AVP: variants seen among roughly 807,000 people sequenced by gnomAD.
AVP encodes vasopressin-neurophysin 2-copeptin.
AVP carries 9 observed loss-of-function variants against 11.1 expected under a neutral mutation model. The ratio of observed to expected loss-of-function variants is 0.81; its 90% CI spans 0.49 to 1.42. AVP has a LOEUF of 1.42. AVP is among the 40% of genes most tolerant of loss of function. AVP has a pLI of 0.00. For synonymous variants in AVP, 106 were observed against 111.3 expected (o/e 0.95, Z 0.30); for missense variants, 206 against 238.5 (o/e 0.86, Z 0.90).
rs1242506500 is a variant in AVP at position 3,084,640 on chromosome 20, C to T, written c.35G>A (p.Gly12Asp). Residue 12 changes from glycine (G) to aspartate (D), a missense_variant, in exon 1 of 3, where the codon GGC becomes GAC. Physicochemically the swap from Gly to Asp is moderately conservative, Grantham distance 94 (BLOSUM62 -1). Coordinates refer to ENST00000380293, the MANE Select transcript of AVP (RefSeq NM_000490.5). ...GCACGCGGAGGAGAAGGCCAGTAGG[C>T]CGAGGAAGCAGGCGGGCAGCATGGT... Reference protein sequence around the residue: ...PDTMLPACFLGLLAFSSACYF... With the variant: ...PDTMLPACFLDLLAFSSACYF... 2 of 1,613,674 alleles carry T rather than the reference C, an allele frequency of 1.2e-6. No individual in the cohort carries two copies. The highest frequency in any genetic ancestry group is 1.7e-5 in the Admixed American group (1 of 60,022).
Position 3,082,879 on chromosome 20 carries a change from C to A in AVP, c.323-77G>T. 8.2e-7 allele frequency: 1 copy of A among 1,225,132 alleles called. No homozygotes were observed. Among genetic ancestry groups the A allele is most frequent in the Non-Finnish European group, 1.0e-6 (1 of 984,928 alleles). The allele number at this position is 1,225,132 out of a possible 1,614,324, so 75.9% of individuals were successfully genotyped here. On this transcript the variant is annotated intron_variant, in intron 2 of 2. Transcript: ENST00000380293. The surrounding 1 kb of genome is among the most constrained non-coding windows in gnomAD (Gnocchi z 4.7). ...GTGCGGGGGGCCCACACCCTCCCTG[C>A]CGGGCCCGACGCAGCCCCCACCCCG...
In AVP at chr20:3,082,580, G is replaced by T; in HGVS notation, c.*50C>A. 1 of 1,230,670 alleles carries T rather than the reference G, an allele frequency of 8.1e-7. No homozygotes were observed. The highest frequency in any genetic ancestry group is 1.0e-6 in the Non-Finnish European group (1 of 986,308). 76.2% of individuals were successfully genotyped at this position (1,230,670 alleles called of 1,614,324 possible). ...GTGCATTGGCGGAGGTTTATTGTCC[G>T]TGCTGCAGGGGCGGGCGCGAAGAGC... On this transcript the variant is annotated 3_prime_UTR_variant, in exon 3 of 3. Coordinates refer to ENST00000380293, the MANE Select transcript of AVP (RefSeq NM_000490.5). The surrounding 1 kb of genome is among the most constrained non-coding windows in gnomAD (Gnocchi z 4.7).
Position 3,082,973 on chromosome 20 carries a change from G to T in AVP, c.322+4C>A, listed in dbSNP as rs779482841. 192 of 1,000,838 alleles carry T rather than the reference G, an allele frequency of 1.9e-4. No homozygotes were observed. Among genetic ancestry groups the T allele is most frequent in the Non-Finnish European group, 2.3e-4 (171 of 755,792 alleles). The allele number at this position is 1,000,838 out of a possible 1,614,324, so 62.0% of individuals were successfully genotyped here. A position where few individuals can be genotyped will look rare whatever the true frequency, so the allele number is the denominator to read the frequency against. On this transcript the variant is annotated splice_donor_region_variant and intron_variant, in intron 2 of 2. Coordinates refer to ENST00000380293, the MANE Select transcript of AVP (RefSeq NM_000490.5). The surrounding 1 kb of genome is among the most constrained non-coding windows in gnomAD (Gnocchi z 4.7). The stretch of plus-strand genomic sequence containing the variant: ...CCAGCCCCAGGCCCGCCCCCGCCGC[G>T]CACCGTCGTTGCAGCAAACGCCGAA...
intron 1 of AVP, among the ~76,000 whole-genome samples, 184 bp downstream of exon 1, chr20:3,084,370 AG>A (rs748413084): frequency 3.9e-5 from 6 of 152,092 alleles, no homozygotes; most frequent in Non-Finnish European, 7.4e-5. Context: ...CCTCCTCCAA[AG>A]CCTGGTCCCC....
In AVP at chr20:3,082,743, C is replaced by A; in HGVS notation, c.382G>T (p.Asp128Tyr). 1.6e-6 allele frequency: 2 copies of A among 1,278,562 alleles called. No individual in the cohort carries two copies. Among genetic ancestry groups the A allele is most frequent in the South Asian group, 5.1e-5 (2 of 39,196 alleles). 79.2% of individuals were successfully genotyped at this position (1,278,562 alleles called of 1,614,324 possible). ...TCCAGCTGCGTGGCGTTGCTCCGGT[C>A]GCTGGCGCGGGCGCGGCGGTGAAAG... ...EGFHRRARASDRSNATQLDGP... is the reference protein window; with the variant it reads ...EGFHRRARASYRSNATQLDGP... The change falls in exon 3 of 3, where the codon GAC (aspartate) becomes TAC (tyrosine). Residue 128 changes from aspartate (D) to tyrosine (Y), a missense_variant. Asp to Tyr is a radical substitution (Grantham distance 160). This residue lies in a region of AVP where 106 missense variants were observed against 89.2 expected (regional missense o/e 1.19). Transcript: ENST00000380293. This position sits in a 1 kb window ranked among gnomAD's most constrained non-coding sequence, Gnocchi z 4.7.
rs2066123551 is a variant in AVP at position 3,083,708 on chromosome 20, C to CGTCA, written c.121-531_121-530insTGAC. ...CCAAGCTTGTCGGCCTCAGCTGGAG[C>CGTCA]CCTGACCCCTGCTCAGCCACCTATG... On this transcript the variant is annotated intron_variant, in intron 1 of 2. Coordinates refer to ENST00000380293, the MANE Select transcript of AVP (RefSeq NM_000490.5). This position sits in a 1 kb window ranked among gnomAD's most constrained non-coding sequence, Gnocchi z 5.4. 6.6e-6 allele frequency among the ~76,000 whole-genome samples: 1 copy of CGTCA among 152,198 alleles called. No individual in the cohort carries two copies. The highest frequency in any genetic ancestry group is 2.1e-4 in the South Asian group (1 of 4,828).
chr20:3,084,678 G>T lies in AVP; in HGVS notation c.-4C>A, dbSNP rs200398567. On this transcript the variant is annotated 5_prime_UTR_variant, in exon 1 of 3. Transcript: ENST00000380293. ...CGGGCAGCATGGTGTCAGGCATCCT[G>T]GTGCACACAGGTGGACCCCGTATGC... The T allele has an allele frequency of 6.2e-7, 1 of 1,612,948 alleles. No individual in the cohort carries two copies. The highest frequency in any genetic ancestry group is 8.5e-7 in the Non-Finnish European group (1 of 1,180,020).
Position 3,084,542 on chromosome 20 carries a change from C to T in AVP, c.120+13G>A. The T allele has an allele frequency of 6.2e-7, 1 of 1,613,792 alleles. No homozygotes were observed. Among genetic ancestry groups the T allele is most frequent in the South Asian group, 1.1e-5 (1 of 91,084 alleles). ...GCTATGGCAGCCCTGAGATGGCCCA[C>T]AGTGGGAAGTACCTGTCTCAGCTCC... On this transcript the variant is annotated intron_variant, in intron 1 of 2. Coordinates refer to ENST00000380293, the MANE Select transcript of AVP (RefSeq NM_000490.5).
Position 3,083,831 on chromosome 20 carries a change from C to T in AVP, c.121-653G>A, listed in dbSNP as rs1251326488. Among the ~76,000 whole-genome samples the T allele has an allele frequency of 2.0e-5, 3 of 152,228 alleles. No homozygotes were observed. The highest frequency in any genetic ancestry group is 4.4e-5 in the Non-Finnish European group (3 of 68,048). On this transcript the variant is annotated intron_variant, in intron 1 of 2. Coordinates refer to ENST00000380293, the MANE Select transcript of AVP (RefSeq NM_000490.5). This position sits in a 1 kb window ranked among gnomAD's most constrained non-coding sequence, Gnocchi z 5.4. ...AGGAGCCTAGCAGGAGGAAGAGAGGCTGCGGGGGTTGCCGAGCGGCCACTC... is the reference window on the plus strand; with the variant it reads ...AGGAGCCTAGCAGGAGGAAGAGAGGTTGCGGGGGTTGCCGAGCGGCCACTC...
Position 3,083,085 on chromosome 20 carries a change from C to A in AVP, c.214G>T (p.Ala72Ser). 1.9e-6 allele frequency: 3 copies of A among 1,561,136 alleles called. No homozygotes were observed. Among genetic ancestry groups the A allele is most frequent in the Non-Finnish European group, 2.6e-6 (3 of 1,163,856 alleles). The change falls in exon 2 of 3, where the codon GCG becomes TCG. Residue 72 changes from alanine (A) to serine (S), a missense_variant. Around this residue, in one of 2 missense-constraint regions of AVP, gnomAD observed 100 missense variants for 149.3 expected, o/e 0.67. Transcript: ENST00000380293. The surrounding 1 kb of genome is among the most constrained non-coding windows in gnomAD (Gnocchi z 5.4). ...TAGTTCTCCTCCTGGCAGCGCAGCGCCTCAGCCGTGCCCACGAAGCAGCCC... is the reference window on the plus strand; with the variant it reads ...TAGTTCTCCTCCTGGCAGCGCAGCGACTCAGCCGTGCCCACGAAGCAGCCC... ...ELGCFVGTAE[A>S]LRCQEENYLP...
Position 3,083,805 on chromosome 20 carries a change from A to C in AVP, c.121-627T>G, listed in dbSNP as rs2066124023. ...GACACCCAGGTGCCTCAGGACCCTA[A>C]AGGAGCCTAGCAGGAGGAAGAGAGG... On this transcript the variant is annotated intron_variant, in intron 1 of 2. Coordinates refer to ENST00000380293, the MANE Select transcript of AVP (RefSeq NM_000490.5). The surrounding 1 kb of genome is among the most constrained non-coding windows in gnomAD (Gnocchi z 5.4). Among the ~76,000 whole-genome samples, 2 of 152,164 alleles carry C rather than the reference A, an allele frequency of 1.3e-5. No homozygotes were observed. Among genetic ancestry groups the C allele is most frequent in the South Asian group, 4.1e-4 (2 of 4,830 alleles).
At position 3,082,862 on chromosome 20, in the gene AVP, G is replaced by A; in HGVS notation, c.323-60C>T. The A allele has an allele frequency of 3.3e-6, 4 of 1,221,256 alleles. No homozygotes were observed. The highest frequency in any genetic ancestry group is 4.1e-6 in the Non-Finnish European group (4 of 982,080). 75.7% of individuals were successfully genotyped at this position (1,221,256 alleles called of 1,614,324 possible). A position where few individuals can be genotyped will look rare whatever the true frequency, so the allele number is the denominator to read the frequency against. On this transcript the variant is annotated intron_variant, in intron 2 of 2. Transcript: ENST00000380293. This position sits in a 1 kb window ranked among gnomAD's most constrained non-coding sequence, Gnocchi z 4.7. ...GGCGGGCGCAGCTCGGGGTGCGGGG[G>A]GCCCACACCCTCCCTGCCGGGCCCG...
Position 3,083,322 on chromosome 20 carries a change from G to A in AVP, c.121-144C>T. On this transcript the variant is annotated intron_variant, in intron 1 of 2. Coordinates refer to ENST00000380293, the MANE Select transcript of AVP (RefSeq NM_000490.5). The surrounding 1 kb of genome is among the most constrained non-coding windows in gnomAD (Gnocchi z 5.4). ...GCTGCGGCTGCAGGCACGCTCGGGC[G>A]CCACTGGGCCTCGACCGCGGTCACG... The A allele has an allele frequency of 3.3e-6, 3 of 919,348 alleles. No individual in the cohort carries two copies. The South Asian group carries it at 6.9e-5, about 21-fold the overall frequency. The allele number at this position is 919,348 out of a possible 1,614,324, so 56.9% of individuals were successfully genotyped here. A position where few individuals can be genotyped will look rare whatever the true frequency, so the allele number is the denominator to read the frequency against.
chr20:3,083,848 C>G lies in AVP; in HGVS notation c.121-670G>C, dbSNP rs2066124270. Among the ~76,000 whole-genome samples the G allele has an allele frequency of 6.6e-6, 1 of 152,138 alleles. No individual in the cohort carries two copies. Among genetic ancestry groups the G allele is most frequent in the Admixed American group, 6.5e-5 (1 of 15,272 alleles). ...AAGAGAGGCTGCGGGGGTTGCCGAG[C>G]GGCCACTCTCATCTGCTCAACAGCC... On this transcript the variant is annotated intron_variant, in intron 1 of 2. Coordinates refer to ENST00000380293, the MANE Select transcript of AVP (RefSeq NM_000490.5). The surrounding 1 kb of genome is among the most constrained non-coding windows in gnomAD (Gnocchi z 5.4).
At position 3,082,662 on chromosome 20, in the gene AVP, G is replaced by C; in HGVS notation, c.463C>G (p.Pro155Ala). Residue 155 changes from proline (P) to alanine (A), a missense_variant, in exon 3 of 3, where the codon CCC becomes GCC. By Grantham distance (27) the Pro-to-Ala change is conservative. This residue lies in a region of AVP where 106 missense variants were observed against 89.2 expected (regional missense o/e 1.19). Coordinates refer to ENST00000380293, the MANE Select transcript of AVP (RefSeq NM_000490.5). This position sits in a 1 kb window ranked among gnomAD's most constrained non-coding sequence, Gnocchi z 4.7. ...RLVQLAGAPE[P>A]FEPAQPDAY ...GCGTCGGGCTGGGCGGGCTCGAAGGGCTCGGGCGCCCCGGCCAGCTGCACC... is the reference window on the plus strand; with the variant it reads ...GCGTCGGGCTGGGCGGGCTCGAAGGCCTCGGGCGCCCCGGCCAGCTGCACC... 2 of 1,283,002 alleles carry C rather than the reference G, an allele frequency of 1.6e-6. No homozygotes were observed. The highest frequency in any genetic ancestry group is 2.0e-6 in the Non-Finnish European group (2 of 1,019,000). The allele number at this position is 1,283,002 out of a possible 1,614,324, so 79.5% of individuals were successfully genotyped here.
chr20:3,082,917 G>A lies in AVP; in HGVS notation c.322+60C>T. On this transcript the variant is annotated intron_variant, in intron 2 of 2. Coordinates refer to ENST00000380293, the MANE Select transcript of AVP (RefSeq NM_000490.5). This position sits in a 1 kb window ranked among gnomAD's most constrained non-coding sequence, Gnocchi z 4.7. ...AGCCCCCACCCCGCCGCAGGCCCGCGTCCCCCCCACCCAAGCGGTCTGCGC... is the reference window on the plus strand; with the variant it reads ...AGCCCCCACCCCGCCGCAGGCCCGCATCCCCCCCACCCAAGCGGTCTGCGC... 2.0e-6 allele frequency: 1 copy of A among 488,354 alleles called. No homozygotes were observed. Among genetic ancestry groups the A allele is most frequent in the Non-Finnish European group, 2.8e-6 (1 of 351,342 alleles). The allele number at this position is 488,354 out of a possible 1,614,324, so 30.3% of individuals were successfully genotyped here.
chr20:3,084,299 A>G (rs2066126562), intron 1 of AVP, among the ~76,000 whole-genome samples: 1 of 151,976 alleles, frequency 6.6e-6, no homozygotes, highest in Non-Finnish European at 1.5e-5. Flanking sequence ...AGCATCCCTC[A>G]TTTCCCTGCA....
chr20:3,082,642 G>C lies in AVP; in HGVS notation c.483C>G (p.Pro161=). ...GAPEPFEPAQ[P]DAY ...GCGAGCGCGGGGCTCAGTAGGCGTC[G>C]GGCTGGGCGGGCTCGAAGGGCTCGG... Residue 161 remains proline (P), a synonymous_variant, in exon 3 of 3, where the codon CCC becomes CCG. Coordinates refer to ENST00000380293, the MANE Select transcript of AVP (RefSeq NM_000490.5). This position sits in a 1 kb window ranked among gnomAD's most constrained non-coding sequence, Gnocchi z 4.7. 1 of 1,271,030 alleles carries C rather than the reference G, an allele frequency of 7.9e-7. No homozygotes were observed. Among genetic ancestry groups the C allele is most frequent in the Non-Finnish European group, 9.9e-7 (1 of 1,012,358 alleles). The allele number at this position is 1,271,030 out of a possible 1,614,324, so 78.7% of individuals were successfully genotyped here.
Position 3,084,409 on chromosome 20 carries a change from C to T in AVP, c.120+146G>A, listed in dbSNP as rs911488615. The T allele has an allele frequency of 8.3e-6, 12 of 1,452,648 alleles. No homozygotes were observed. In the African/African-American group the frequency reaches 1.7e-4, roughly 20 times the overall value. The allele number at this position is 1,452,648 out of a possible 1,614,324, so 90.0% of individuals were successfully genotyped here. ...TGGCCCACCCCATTGGCTCCTCTGC[C>T]CAGCCATGCCATGCCTCCCTCTTCC... On this transcript the variant is annotated intron_variant, in intron 1 of 2. Transcript: ENST00000380293.
Sources: allele counts gnomAD v4.1 joint callset (sites outside exome capture counted in the v4.1 genomes callset), GRCh38; gene constraint gnomAD v4.1.1; regional missense constraint gnomAD v4.1.1; non-coding constraint Gnocchi (gnomAD v3.1); transcripts MANE v1.5; gene names NCBI Gene and HGNC (gene_info 2026-07-23, HGNC 2026-07-21).